Variants in PGBD5 observed in about 807,000 individuals in gnomAD.
The protein encoded by PGBD5 is piggyBac transposable element-derived protein 5.
A neutral mutation model predicts 47.9 loss-of-function variants in PGBD5; 14 were observed. The observed-to-expected ratio is 0.29, with a 90% CI of 0.19 to 0.46. The LOEUF (loss-of-function observed/expected upper bound fraction) is 0.46. Ranked by LOEUF, PGBD5 falls within the 20% of genes least tolerant of loss-of-function variation. PGBD5 has a pLI of 1.00. For synonymous variants in PGBD5, 316 were observed against 306.3 expected, an observed-to-expected ratio of 1.03 and a Z score of -0.33; for missense variants, 635 against 716.0, an observed-to-expected ratio of 0.89 and a Z score of 1.29.
At chr1:230,408,330 T>C (rs917866306) in intron 1 of PGBD5, among the ~76,000 whole-genome samples, 1 of 152,206 alleles carries the variant, frequency 6.6e-6, no homozygotes, top group Non-Finnish European at 1.5e-5. Flanking sequence ...TGGACAAAAA[T>C]GTATATTTGA....
intron 1 of PGBD5, among the ~76,000 whole-genome samples, chr1:230,373,565 A>G (rs1667962898): frequency 6.6e-6 from 1 of 152,220 alleles, no homozygotes; most frequent in Non-Finnish European, 1.5e-5. Flanking sequence ...AGTGTTATTC[A>G]GAGCTCAAGA....
At chr1:230,388,354 G>A (rs1051217162) in intron 1 of PGBD5, among the ~76,000 whole-genome samples, 4 of 152,164 alleles carry the variant, frequency 2.6e-5, no homozygotes, top group Middle Eastern at 3.4e-3. Flanking sequence ...TCACTCAGAC[G>A]CGCACTGAAT....
intron 5 of PGBD5, among the ~76,000 whole-genome samples, chr1:230,331,150 T>A (rs1207543629): frequency 6.6e-6 from 1 of 152,146 alleles, no homozygotes; most frequent in Non-Finnish European, 1.5e-5. Context: ...TGGTGGCTCA[T>A]GCCTGTACAC....
Position 230,402,625 on chromosome 1 carries a change from T to A in PGBD5, c.331+22973A>T, listed in dbSNP as rs186679883. On this transcript the variant is annotated intron_variant, in intron 1 of 6. Coordinates refer to ENST00000391860, the MANE Select transcript of PGBD5 (RefSeq NM_001258311.2). Reference sequence around the variant, plus strand: ...CATACCACCACTCCTGGCTAATTTTTAAAATTTTTTGTAGAGATTTTGCTG... The same window carrying A: ...CATACCACCACTCCTGGCTAATTTTAAAAATTTTTTGTAGAGATTTTGCTG... Among the ~76,000 whole-genome samples, 7 of 152,224 alleles carry A rather than the reference T, an allele frequency of 4.6e-5. No homozygotes were observed. In the East Asian group the frequency reaches 1.4e-3, roughly 29 times the overall value.
chr1:230,370,519 C>T (rs564220818), intron 1 of PGBD5, among the ~76,000 whole-genome samples: 2 of 152,340 alleles, frequency 1.3e-5, no homozygotes, highest in Admixed American at 1.3e-4. Context: ...CTGCTTTGCA[C>T]ATCACTTGAT....
chr1:230,357,006 T>C lies in PGBD5; in HGVS notation c.647A>G (p.His216Arg). The change falls in exon 2 of 7, where the codon CAC becomes CGC. Residue 216 changes from histidine (H) to arginine (R), a missense_variant. His to Arg is a conservative substitution (Grantham distance 29, BLOSUM62 0). Coordinates refer to ENST00000391860, the MANE Select transcript of PGBD5 (RefSeq NM_001258311.2). This position sits in a 1 kb window ranked among gnomAD's most constrained non-coding sequence, Gnocchi z 5.7. ...ARFEKILKYF[H>R]VVAFRSSQTT... is the part of the protein sequence containing the mutation. ...CTGGCTGGAGCGGAAGGCCACGACGTGGAAGTACTTGAGGATCTTCTCGAA... is the reference window on the plus strand; with the variant it reads ...CTGGCTGGAGCGGAAGGCCACGACGCGGAAGTACTTGAGGATCTTCTCGAA... The C allele has an allele frequency of 6.2e-7, 1 of 1,614,162 alleles. No homozygotes were observed.
At chr1:230,350,126 C>T (rs906738801) in intron 3 of PGBD5, among the ~76,000 whole-genome samples, 4 of 152,220 alleles carry the variant, frequency 2.6e-5, no homozygotes, top group Non-Finnish European at 5.9e-5. Flanking sequence ...TGCGGTCAAG[C>T]GAGGGCAGCA....
Position 230,420,530 on chromosome 1 carries a change from T to TG in PGBD5, c.331+5067dup, listed in dbSNP as rs201494748. Reference sequence around the variant, plus strand: ...GGGCCAGGTGGAGATAACTGAATCATGGGGGCAGTTCCCCCCATGCTGTTC... The same window carrying TG: ...GGGCCAGGTGGAGATAACTGAATCATGGGGGGCAGTTCCCCCCATGCTGTTC... On this transcript the variant is annotated intron_variant, in intron 1 of 6. Transcript: ENST00000391860. Among the ~76,000 whole-genome samples the TG allele has an allele frequency of 7.5e-3, 1,146 of 152,304 alleles. 8 individuals are homozygous for TG. Among genetic ancestry groups the TG allele is most frequent in the Non-Finnish European group, 0.013 (911 of 68,014 alleles).
rs550685989 is a variant in PGBD5, at chr1:230,425,099, C to T, written c.331+499G>A. Reference sequence around the variant, plus strand: ...GAGAAAACTAAGCCAAGTCAAGACGCCGCGGGTGGCCTCTCTCTCAACTCT... The same window carrying T: ...GAGAAAACTAAGCCAAGTCAAGACGTCGCGGGTGGCCTCTCTCTCAACTCT... On this transcript the variant is annotated intron_variant, in intron 1 of 6. Transcript: ENST00000391860. This position sits in a 1 kb window ranked among gnomAD's most constrained non-coding sequence, Gnocchi z 4.7. 6.6e-6 allele frequency among the ~76,000 whole-genome samples: 1 copy of T among 152,108 alleles called. No homozygotes were observed. Among genetic ancestry groups the T allele is most frequent in the Non-Finnish European group, 1.5e-5 (1 of 68,018 alleles).
At chr1:230,401,037 A>G (rs924637509) in intron 1 of PGBD5, among the ~76,000 whole-genome samples, 1 of 152,250 alleles carries the variant, frequency 6.6e-6, no homozygotes, top group African/African-American at 2.4e-5. Context: ...TATTATCTAC[A>G]GTTACCTGGA....
chr1:230,399,958 G>C (rs188949615), intron 1 of PGBD5, among the ~76,000 whole-genome samples: 1 of 152,218 alleles, frequency 6.6e-6, no homozygotes, highest in Non-Finnish European at 1.5e-5. Context: ...CTTAGGGTCT[G>C]TTCTCAACCT....
rs531428072 is a variant in PGBD5 at position 230,357,107 on chromosome 1, G to A, written c.546C>T (p.Cys182=). The A allele has an allele frequency of 2.2e-5, 35 of 1,614,046 alleles. No individual in the cohort carries two copies. Among genetic ancestry groups the A allele is most frequent in the African/African-American group, 2.7e-5 (2 of 74,892 alleles). ...CGCTCCAGATGCTGAGGACGGACTC[G>A]CAGTGGGAGATGCTGGTGGAGATCA... ...GYMISTSISH[C]ESVLSIWSGG... is the part of the protein sequence containing the mutation. The change falls in exon 2 of 7, where the codon TGC becomes TGT. Residue 182 remains cysteine (C), a synonymous_variant. Transcript: ENST00000391860. The surrounding 1 kb of genome is among the most constrained non-coding windows in gnomAD (Gnocchi z 5.7).
At chr1:230,409,358 G>T (rs1359349505) in intron 1 of PGBD5, among the ~76,000 whole-genome samples, 2 of 152,096 alleles carry the variant, frequency 1.3e-5, no homozygotes, top group Non-Finnish European at 1.5e-5. Context: ...CCACTCCTGG[G>T]TATATACCCA....
At chr1:230,367,083 G>A (rs1055097145) in intron 1 of PGBD5, among the ~76,000 whole-genome samples, 1 of 152,042 alleles carries the variant, frequency 6.6e-6, no homozygotes, top group Non-Finnish European at 1.5e-5. Context: ...CAGGTAACTT[G>A]CTAATTTCTT....
intron 1 of PGBD5, among the ~76,000 whole-genome samples, chr1:230,396,296 C>T (rs1656969137): frequency 8.1e-6 from 1 of 123,558 alleles, no homozygotes; most frequent in African/African-American, 3.2e-5. Flanking sequence ...CCCTTTTACC[C>T]CCACACTCCT....
At chr1:230,348,834 C>G (rs1667518760) in intron 3 of PGBD5, among the ~76,000 whole-genome samples, 1 of 152,230 alleles carries the variant, frequency 6.6e-6, no homozygotes, top group Non-Finnish European at 1.5e-5. Flanking sequence ...CCTGTCACGG[C>G]ACAGCCTGAA....
At chr1:230,410,337 GA>G (rs1278274002) in intron 1 of PGBD5, among the ~76,000 whole-genome samples, 1 of 152,130 alleles carries the variant, frequency 6.6e-6, no homozygotes, top group Admixed American at 6.5e-5. Context: ...AAGACATGAA[GA>G]AGAGAAATAG....
At chr1:230,369,415 C>A (rs535579546) in intron 1 of PGBD5, among the ~76,000 whole-genome samples, 17 of 152,364 alleles carry the variant, frequency 1.1e-4, no homozygotes, top group South Asian at 4.1e-4. Flanking sequence ...CACAGGCACC[C>A]CTCCCCATCC....
intron 1 of PGBD5, among the ~76,000 whole-genome samples, chr1:230,419,379 T>C (rs1657598447): frequency 6.6e-6 from 1 of 152,066 alleles, no homozygotes; most frequent in African/African-American, 2.4e-5. Context: ...GACATGAAGA[T>C]GGCAAAAATA....
Sources: gnomAD v4.1 joint callset for allele counts (sites outside exome capture counted in the v4.1 genomes callset) on GRCh38, gnomAD v4.1.1 for gene constraint, Gnocchi (gnomAD v3.1) non-coding constraint, MANE v1.5 for transcripts, NCBI Gene and HGNC (gene_info 2026-07-23, HGNC 2026-07-21) for gene names.